Variants in MCM5 observed in about 807,000 individuals in gnomAD.
MCM5 encodes minichromosome maintenance complex component 5.
A neutral mutation model predicts 79.9 loss-of-function variants in MCM5; 46 were observed. The ratio of observed to expected loss-of-function variants is 0.58; its 90% CI spans 0.45 to 0.74. MCM5 has a LOEUF of 0.74. MCM5 is among the 30% of genes least tolerant of loss of function. The probability of loss-of-function intolerance (pLI) is 0.00; values close to 1 mark genes in which losing one functional copy is unlikely to be tolerated. For synonymous variants in MCM5, 404 were observed against 390.5 expected (o/e 1.03, Z -0.41); for missense variants, 883 against 1,017.0 (o/e 0.87, Z 1.79).
chr22:35,406,351 C>T (rs960522798), intron 4 of MCM5, among the ~76,000 whole-genome samples: 3 of 138,818 alleles, frequency 2.2e-5, no homozygotes, highest in Non-Finnish European at 3.1e-5. Context: ...GTGCCTGAGG[C>T]TCCTCTGAAC....
At position 35,400,474 on chromosome 22, in the gene MCM5, C is replaced by T. The variant is rs755770217; in HGVS notation, c.36C>T (p.Ser12=). 2.0e-5 allele frequency: 32 copies of T among 1,613,992 alleles called. No individual in the cohort carries two copies. The Admixed American group carries it at 3.8e-4, about 19-fold the overall frequency. The stretch of plus-strand genomic sequence containing the variant: ...TCGACGATCCTGGCATTTTCTACAG[C>T]GACAGCTTCGGGGGCGACGCCCAGG... ...SGFDDPGIFY[S]DSFGGDAQAD... The change falls in exon 2 of 17, where the codon AGC becomes AGT. Residue 12 remains serine, a synonymous_variant. Coordinates refer to ENST00000216122, the MANE Select transcript of MCM5 (RefSeq NM_006739.4).
At chr22:35,418,953 C>T (rs745637345) in intron 13 of MCM5, among the ~76,000 whole-genome samples, 2 of 152,168 alleles carry the variant, frequency 1.3e-5, no homozygotes, top group African/African-American at 2.4e-5. Context: ...GTGCTCTTAA[C>T]CACAGTGCTT....
chr22:35,406,305 C>CCCG lies in MCM5; in HGVS notation c.424-246_424-245insGCC, dbSNP rs1259813057. ...TATCTCTTGCCCTGCCACCTCCCCC[C>CCCG]CCAATTGTGCTGCGAGGTCTTTAAA... On this transcript the variant is annotated intron_variant, in intron 4 of 16. Transcript: ENST00000216122. Among the ~76,000 whole-genome samples the CCCG allele has an allele frequency of 1.4e-4, 20 of 144,878 alleles. 1 individual carries two copies. Among genetic ancestry groups the CCCG allele is most frequent in the Non-Finnish European group, 2.3e-4 (15 of 65,094 alleles).
At chr22:35,406,458 C>A in intron 4 of MCM5, 95 bp from the exon 5 acceptor site, 2 of 1,205,302 alleles carry the variant, frequency 1.7e-6, no homozygotes, top group South Asian at 1.4e-5. Context: ...TCTGTGCCCA[C>A]CTCCTCCAGG....
At chr22:35,425,895 CAG>C (rs901101328), downstream of MCM5, among the ~76,000 whole-genome samples, 5 of 152,058 alleles carry the variant, frequency 3.3e-5, no homozygotes, top group African/African-American at 1.2e-4. Flanking sequence ...AACTGAGGCT[CAG>C]AGAGTCAAGT....
the MCM5 span, among the ~76,000 whole-genome samples, chr22:35,442,227 C>G: frequency 5.9e-5 from 9 of 151,964 alleles, no homozygotes; most frequent in African/African-American, 9.7e-5. Context: ...GAAGGCCCAC[C>G]ACCCCCAGAC....
At chr22:35,439,270 A>G in the MCM5 span, among the ~76,000 whole-genome samples, 5 of 136,304 alleles carry the variant, frequency 3.7e-5, no homozygotes, top group African/African-American at 5.6e-5. Flanking sequence ...TATCCATCCA[A>G]TCATCCATCC....
rs1460024678 is a variant in MCM5, at chr22:35,421,417, C to G, written c.1932C>G (p.Phe644Leu). The change falls in exon 15 of 17, where the codon TTC becomes TTG. Residue 644 changes from phenylalanine to leucine, a missense_variant. By Grantham distance (22) the Phe-to-Leu change is conservative. Coordinates refer to ENST00000216122, the MANE Select transcript of MCM5 (RefSeq NM_006739.4). Reference sequence around the variant, plus strand: ...ATGTGGAGGAGGCCCTGCGGCTCTTCCAAGTGTCCACGTTGGATGCTGCCT... The same window carrying G: ...ATGTGGAGGAGGCCCTGCGGCTCTTGCAAGTGTCCACGTTGGATGCTGCCT... ...EADVEEALRL[F>L]QVSTLDAALS... 1 of 1,614,170 alleles carries G rather than the reference C, an allele frequency of 6.2e-7. No homozygotes were observed. The highest frequency in any genetic ancestry group is 8.5e-7 in the Non-Finnish European group (1 of 1,180,040).
the MCM5 span, among the ~76,000 whole-genome samples, chr22:35,438,561 A>ATCCG: frequency 9.5e-6 from 1 of 104,728 alleles, no homozygotes; most frequent in African/African-American, 5.9e-5. Flanking sequence ...TCACATATTC[A>ATCCG]TCCATCCATC....
chr22:35,446,037 G>A, the MCM5 span, among the ~76,000 whole-genome samples: 4 of 152,118 alleles, frequency 2.6e-5, no homozygotes, highest in African/African-American at 4.8e-5. Flanking sequence ...GGGCATTTGC[G>A]CCCATATTTA....
chr22:35,433,441 A>G, the MCM5 span, among the ~76,000 whole-genome samples: 1 of 152,228 alleles, frequency 6.6e-6, no homozygotes, highest in South Asian at 2.1e-4. Flanking sequence ...GCTCACAAAC[A>G]GTCTGTTAGG....
chr22:35,452,731 G>A, the MCM5 span, among the ~76,000 whole-genome samples: 30,494 of 152,086 alleles, frequency 0.2, 3,452 homozygotes, highest in African/African-American at 0.31. Flanking sequence ...CGACTCCTCC[G>A]CTGGGGTGGT....
the MCM5 span, among the ~76,000 whole-genome samples, chr22:35,440,405 C>A: frequency 6.6e-6 from 1 of 152,300 alleles, no homozygotes; most frequent in South Asian, 2.1e-4. Context: ...ACTGGCTGAT[C>A]CCTGAAGCCC....
chr22:35,415,406 A>T (rs919163494), intron 9 of MCM5, among the ~76,000 whole-genome samples: 1 of 152,186 alleles, frequency 6.6e-6, no homozygotes, highest in African/African-American at 2.4e-5. Flanking sequence ...CAGGGGCTCT[A>T]TGGCAGTATG....
At chr22:35,400,408 C>G (rs756922655) in intron 1 of MCM5, 23 bp from the exon 2 acceptor site, 9 of 1,613,808 alleles carry the variant, frequency 5.6e-6, no homozygotes, top group Non-Finnish European at 6.8e-6. Context: ...CCAGCCTGTT[C>G]TGGCCGTTTG....
chr22:35,423,445 A>C, intron 16 of MCM5, 104 bp downstream of exon 16: 1 of 1,328,484 alleles, frequency 7.5e-7, no homozygotes, highest in South Asian at 1.6e-5. Flanking sequence ...ACAGGCCCTG[A>C]ACGGGGGTAG....
chr22:35,436,164 C>CAAAAAAAAAA, the MCM5 span, among the ~76,000 whole-genome samples: 2 of 61,018 alleles, frequency 3.3e-5, no homozygotes, highest in African/African-American at 9.1e-5. Context: ...AACTCAGTCT[C>CAAAAAAAAAA]AAAAAAAAAA....
intron 2 of MCM5, 131 bp downstream of exon 2, chr22:35,400,736 C>A: frequency 1.1e-6 from 1 of 951,024 alleles, no homozygotes; most frequent in Non-Finnish European, 1.5e-6. Flanking sequence ...TCCTGGGTCA[C>A]AGGGCTCATC....
At chr22:35,440,188 G>T in the MCM5 span, among the ~76,000 whole-genome samples, 1 of 152,144 alleles carries the variant, frequency 6.6e-6, no homozygotes, top group South Asian at 2.1e-4. Context: ...CCTTGAGTAG[G>T]CCCTGTGATA....
Sources: allele counts gnomAD v4.1 joint callset (sites outside exome capture counted in the v4.1 genomes callset), GRCh38; gene constraint gnomAD v4.1.1; transcripts MANE v1.5; gene names NCBI Gene and HGNC (gene_info 2026-07-23, HGNC 2026-07-21).